Variants in NAA11 observed in about 807,000 individuals in gnomAD.
The protein encoded by NAA11 is N-alpha-acetyltransferase 11.
Under a neutral mutation model 16.1 loss-of-function variants are expected in NAA11, and 15 were observed. That is an observed-to-expected ratio of 0.93 (90% CI 0.62 to 1.44). The LOEUF is 1.44. Ranked by LOEUF, NAA11 falls within the 40% of genes most tolerant of loss-of-function variation. The pLI, the probability that NAA11 is intolerant of heterozygous loss-of-function variation, is 0.00. For synonymous variants in NAA11, 122 were observed against 112.4 expected (o/e 1.09, Z -0.54); for missense variants, 298 against 291.3 (o/e 1.02, Z -0.17).
At chr4:79,175,983 A>G in the NAA11 span, among the ~76,000 whole-genome samples, 3 of 152,146 alleles carry the variant, frequency 2.0e-5, no homozygotes, top group African/African-American at 7.2e-5. Context: ...TAGAAGGAAA[A>G]TGTTCTCACT....
chr4:79,295,050 CAGAA>C (rs1173911634), intron 1 of NAA11, among the ~76,000 whole-genome samples: 3 of 152,144 alleles, frequency 2.0e-5, no homozygotes, highest in South Asian at 4.1e-4. Flanking sequence ...TAAAGAGTCT[CAGAA>C]AGAATATAGT....
chr4:79,193,740 T>C, the NAA11 span, among the ~76,000 whole-genome samples: 1 of 152,198 alleles, frequency 6.6e-6, no homozygotes, highest in Non-Finnish European at 1.5e-5. Flanking sequence ...AACTTTAAAA[T>C]AGTTTTTTCC....
intron 2 of NAA11, chr4:79,227,809 T>G (rs1721354831): frequency 6.6e-6 from 1 of 152,012 alleles, no homozygotes; most frequent in Non-Finnish European, 1.5e-5. Context: ...GATCTTGTTC[T>G]CAGCAAAAAA....
In NAA11 at chr4:79,317,073, A is replaced by G. The variant is rs1004647107; in HGVS notation, c.*731T>C. The stretch of plus-strand genomic sequence containing the variant: ...TGTGAACACTGCAGGTACTCAATAA[A>G]TGCCAAGTGACATAATCACAAAAAA... On this transcript the variant is annotated 3_prime_UTR_variant, in exon 2 of 2. Transcript: ENST00000286794. The G allele has an allele frequency of 2.6e-5, 4 of 152,224 alleles. No homozygotes were observed. The highest frequency in any genetic ancestry group is 9.6e-5 in the African/African-American group (4 of 41,462). The allele number at this position is 152,224 out of a possible 1,614,324, so 9.4% of individuals were successfully genotyped here.
intron 2 of NAA11, among the ~76,000 whole-genome samples, chr4:79,275,379 A>G (rs1052600898): frequency 6.6e-6 from 1 of 152,074 alleles, no homozygotes; most frequent in Non-Finnish European, 1.5e-5. Context: ...AGTGATGAAG[A>G]ACTGGAAAGA....
intron 1 of NAA11, among the ~76,000 whole-genome samples, chr4:79,296,882 G>A (rs1306339215): frequency 6.6e-6 from 1 of 152,164 alleles, no homozygotes; most frequent in African/African-American, 2.4e-5. Flanking sequence ...CCCCATTTAT[G>A]ATTAAGGCTA....
At chr4:79,313,751 C>A, downstream of NAA11, among the ~76,000 whole-genome samples, 1 of 152,092 alleles carries the variant, frequency 6.6e-6, no homozygotes, top group East Asian at 1.9e-4. Flanking sequence ...TAAAAAAGGA[C>A]CTTGATAAGT....
chr4:79,310,704 AC>A (rs1404912925), intron 1 of NAA11, among the ~76,000 whole-genome samples: 1 of 152,170 alleles, frequency 6.6e-6, no homozygotes, highest in Non-Finnish European at 1.5e-5. Flanking sequence ...GGTTTAACCT[AC>A]CAACTGGAGG....
intron 1 of NAA11, among the ~76,000 whole-genome samples, chr4:79,322,487 G>GAGTA: frequency 1.1e-5 from 1 of 92,342 alleles, no homozygotes; most frequent in East Asian, 9.2e-4. Flanking sequence ...AGTTTTATAG[G>GAGTA]TGTGTGTGTG....
intron 1 of NAA11, among the ~76,000 whole-genome samples, chr4:79,301,701 CA>C (rs1335986725): frequency 6.6e-6 from 1 of 152,142 alleles, no homozygotes; most frequent in Admixed American, 6.5e-5. Context: ...GCATGGGGAC[CA>C]GCAAGCACAA....
At chr4:79,284,474 T>C (rs936372616) in intron 2 of NAA11, among the ~76,000 whole-genome samples, 1 of 152,096 alleles carries the variant, frequency 6.6e-6, no homozygotes, top group Admixed American at 6.6e-5. Flanking sequence ...GAGTATCAGG[T>C]TGATTATTTT....
the NAA11 span, among the ~76,000 whole-genome samples, chr4:79,210,187 C>A: frequency 6.6e-6 from 1 of 151,862 alleles, no homozygotes; most frequent in Non-Finnish European, 1.5e-5. Flanking sequence ...TGGAGGGTGG[C>A]GGGATTGGAG....
At chr4:79,226,162 A>T (rs1721305618) in exon 3 of NAA11, 1 of 152,002 alleles carries the variant, frequency 6.6e-6, no homozygotes, top group African/African-American at 2.4e-5. Flanking sequence ...ATATTTCAAG[A>T]TGGGTAAGCA....
At chr4:79,233,133 G>A (rs1721501998) in intron 2 of NAA11, among the ~76,000 whole-genome samples, 1 of 151,750 alleles carries the variant, frequency 6.6e-6, no homozygotes, top group South Asian at 2.1e-4. Context: ...TAACTTGTAT[G>A]TCAATGCCTT....
chr4:79,303,524 T>C (rs1274599782), intron 1 of NAA11, among the ~76,000 whole-genome samples: 1 of 152,064 alleles, frequency 6.6e-6, no homozygotes, highest in African/African-American at 2.4e-5. Flanking sequence ...GGGACTTAAT[T>C]TAAGGGGAGA....
intron 1 of NAA11, among the ~76,000 whole-genome samples, chr4:79,322,827 G>A (rs1724137490): frequency 6.6e-6 from 1 of 152,018 alleles, no homozygotes; most frequent in Non-Finnish European, 1.5e-5. Context: ...GAAACTTTCA[G>A]GTTATTAAAA....
intron 2 of NAA11, among the ~76,000 whole-genome samples, chr4:79,252,202 G>A (rs1344083530): frequency 1.3e-5 from 2 of 152,066 alleles, no homozygotes; most frequent in Non-Finnish European, 2.9e-5. Flanking sequence ...ATGGGGAGGG[G>A]GAATGAGTGA....
rs573276691 is a variant in NAA11 at position 79,322,740 on chromosome 4, A to G, written c.*12+2436T>C. Among the ~76,000 whole-genome samples, 3 of 152,330 alleles carry G rather than the reference A, an allele frequency of 2.0e-5. No individual in the cohort carries two copies. The East Asian group carries it at 5.8e-4, about 29-fold the overall frequency. ...AAATTTGACAACGCTTTCTCAAGGC[A>G]TCAAGTTTTAATTTCATCTTTGCTT... On this transcript the variant is annotated intron_variant, in intron 1 of 1. Transcript: ENST00000286794.
chr4:79,245,952 G>T (rs1721812418), intron 2 of NAA11, among the ~76,000 whole-genome samples: 2 of 152,172 alleles, frequency 1.3e-5, no homozygotes, highest in South Asian at 4.1e-4. Context: ...GGGAAATGTG[G>T]GGAAAAGAGA....
Sources: allele counts gnomAD v4.1 joint callset (sites outside exome capture counted in the v4.1 genomes callset), GRCh38; gene constraint gnomAD v4.1.1; transcripts MANE v1.5; gene names NCBI Gene and HGNC (gene_info 2026-07-23, HGNC 2026-07-21).